The following PCDH15 variants were observed in gnomAD, a reference collection of about 807,000 sequenced individuals.
PCDH15 encodes protocadherin related 15, also known as protocadherin-15.
A neutral mutation model predicts 178.5 loss-of-function variants in PCDH15; 129 were observed. The observed-to-expected ratio is 0.72, with a 90% confidence interval of 0.63 to 0.84. The LOEUF is 0.84. Ranked by LOEUF, PCDH15 falls within the 40% of genes least tolerant of loss-of-function variation. PCDH15 has a pLI of 0.00. For missense variants in PCDH15, 2,230 were observed against 2,099.9 expected, an observed-to-expected ratio of 1.06 and a Z score of -1.21; for synonymous variants, 800 against 732.0, an observed-to-expected ratio of 1.09 and a Z score of -1.50.
At chr10:55,275,561 A>G (rs1223239300) in intron 1 of PCDH15, among the ~76,000 whole-genome samples, 1 of 151,990 alleles carries the variant, frequency 6.6e-6, no homozygotes, top group Non-Finnish European at 1.5e-5. Flanking sequence ...TCTATCATTT[A>G]TCCGTACTTA....
At chr10:54,205,205 A>G (rs2050664620) in intron 10 of PCDH15, among the ~76,000 whole-genome samples, 2 of 152,102 alleles carry the variant, frequency 1.3e-5, no homozygotes, top group Admixed American at 6.6e-5. Context: ...CAGGCATTTT[A>G]GCTTCTCTCA....
intron 17 of PCDH15, among the ~76,000 whole-genome samples, chr10:54,078,530 G>A (rs145750938): frequency 2.6e-4 from 39 of 151,980 alleles, no homozygotes; most frequent in African/African-American, 8.9e-4. Context: ...TTATCAATCT[G>A]TAATGGGTTT....
intron 1 of PCDH15, among the ~76,000 whole-genome samples, chr10:55,244,856 A>T (rs567270274): frequency 6.6e-6 from 1 of 151,698 alleles, no homozygotes; most frequent in South Asian, 2.1e-4. Context: ...AGAAAGTTAA[A>T]TCACTTTATC....
chr10:55,079,105 T>C (rs1841977722), intron 2 of PCDH15, among the ~76,000 whole-genome samples: 1 of 152,210 alleles, frequency 6.6e-6, no homozygotes, highest in East Asian at 1.9e-4. Context: ...TTTGGGACTT[T>C]CTTTTTTATT....
chr10:54,643,126 T>C (rs2094031577), intron 2 of PCDH15, among the ~76,000 whole-genome samples: 1 of 152,140 alleles, frequency 6.6e-6, no homozygotes, highest in South Asian at 2.1e-4. Flanking sequence ...GGTTTCACCA[T>C]GTTGGCCAGG....
intron 2 of PCDH15, among the ~76,000 whole-genome samples, chr10:54,983,437 C>A (rs1287019360): frequency 6.6e-6 from 1 of 152,070 alleles, no homozygotes; most frequent in Non-Finnish European, 1.5e-5. Flanking sequence ...TGACATCATG[C>A]ATGGTGAGTG....
chr10:54,105,852 GTATTATTCATAATAGTCAAAA>G (rs562088544), intron 15 of PCDH15, among the ~76,000 whole-genome samples: 1 of 152,192 alleles, frequency 6.6e-6, no homozygotes, highest in South Asian at 2.1e-4. Flanking sequence ...ATTAATAGCA[GTATTATTCATAATAGTCAAAA>G]ATTAGAGACA....
intron 2 of PCDH15, among the ~76,000 whole-genome samples, chr10:55,384,167 A>G (rs555039062): frequency 6.6e-6 from 1 of 152,294 alleles, no homozygotes; most frequent in African/African-American, 2.4e-5. Flanking sequence ...TTTACCAATT[A>G]TAAAATATCT....
chr10:53,851,314 ATTG>A (rs1325481704), intron 28 of PCDH15, among the ~76,000 whole-genome samples: 1 of 151,966 alleles, frequency 6.6e-6, no homozygotes, highest in Non-Finnish European at 1.5e-5. Flanking sequence ...ATTTATTAAT[ATTG>A]TTATTTTATA....
chr10:54,618,931 C>G (rs1003889744), intron 2 of PCDH15, among the ~76,000 whole-genome samples: 6 of 151,814 alleles, frequency 4.0e-5, no homozygotes, highest in African/African-American at 1.5e-4. Context: ...AAATGGCACT[C>G]CAGGAGGATA....
At chr10:54,248,890 C>G (rs2056231031) in intron 8 of PCDH15, among the ~76,000 whole-genome samples, 1 of 151,972 alleles carries the variant, frequency 6.6e-6, no homozygotes, top group Non-Finnish European at 1.5e-5. Context: ...AGAAAATCAT[C>G]TAGAGACATT....
At chr10:55,109,936 A>T (rs1290328521) in intron 2 of PCDH15, among the ~76,000 whole-genome samples, 7 of 151,836 alleles carry the variant, frequency 4.6e-5, no homozygotes, top group Admixed American at 4.6e-4. Flanking sequence ...AAGCACTTGC[A>T]AGTCAACTTA....
intron 2 of PCDH15, among the ~76,000 whole-genome samples, chr10:55,146,476 G>T (rs919927050): frequency 1.3e-5 from 2 of 151,896 alleles, no homozygotes; most frequent in Non-Finnish European, 2.9e-5. Flanking sequence ...GGCAGCCTAC[G>T]CTTAGTTGTC....
intron 3 of PCDH15, among the ~76,000 whole-genome samples, chr10:54,397,346 C>T (rs534030482): frequency 3.3e-5 from 5 of 152,162 alleles, no homozygotes; most frequent in Non-Finnish European, 7.4e-5. Flanking sequence ...ATTCCATAAG[C>T]AACAATTAAA....
At chr10:54,603,915 G>T (rs1225331447) in intron 2 of PCDH15, among the ~76,000 whole-genome samples, 3 of 152,122 alleles carry the variant, frequency 2.0e-5, no homozygotes, top group African/African-American at 7.2e-5. Context: ...ATTGGGCCCA[G>T]TTGCTATAAT....
At chr10:54,742,902 T>C (rs1406571338) in intron 1 of PCDH15, among the ~76,000 whole-genome samples, 1 of 152,004 alleles carries the variant, frequency 6.6e-6, no homozygotes, top group Non-Finnish European at 1.5e-5. Context: ...GCATACTGAG[T>C]TTCAAATGAC....
chr10:54,747,035 T>C (rs1410469200), intron 1 of PCDH15, among the ~76,000 whole-genome samples: 1 of 152,248 alleles, frequency 6.6e-6, no homozygotes, highest in Non-Finnish European at 1.5e-5. Context: ...CTGTGATTCA[T>C]AGCAATGAGT....
At chr10:55,152,756 T>C (rs1359565250) in intron 2 of PCDH15, among the ~76,000 whole-genome samples, 1 of 152,120 alleles carries the variant, frequency 6.6e-6, no homozygotes, top group East Asian at 1.9e-4. Context: ...GAAATTTACA[T>C]TTGCCCTAAG....
At chr10:55,414,671 T>C (rs866364872) in intron 2 of PCDH15, among the ~76,000 whole-genome samples, 16 of 151,548 alleles carry the variant, frequency 1.1e-4, no homozygotes, top group South Asian at 4.1e-4. Flanking sequence ...GATTTCATTT[T>C]AGATAGATAA....
Sources: allele counts gnomAD v4.1 joint callset (sites outside exome capture counted in the v4.1 genomes callset), GRCh38; gene constraint gnomAD v4.1.1; transcripts MANE v1.5; gene names NCBI Gene and HGNC (gene_info 2026-07-23, HGNC 2026-07-21).